The following GTF3C2 variants were observed in gnomAD, a reference collection of about 807,000 sequenced individuals.
GTF3C2 encodes general transcription factor 3C polypeptide 2.
In GTF3C2, 17 loss-of-function variants were observed where a neutral mutation model predicts 117.4. That is an observed-to-expected ratio of 0.14 (90% CI 0.10 to 0.22). GTF3C2 has a LOEUF of 0.22. Among genes scored for constraint, GTF3C2 ranks in the 10% least tolerant of loss-of-function variants. The pLI is 1.00. For missense variants in GTF3C2, 888 were observed against 1,143.6 expected (o/e 0.78, Z 3.22); for synonymous variants, 437 against 427.0 (o/e 1.02, Z -0.29).
exon 3 of GTF3C2, chr2:27,343,122 G>A (rs374628056): frequency 1.3e-6 from 2 of 1,589,644 alleles, no homozygotes; most frequent in Non-Finnish European, 1.7e-6. Context: ...TAGGCTTTGA[G>A]ACCTTTGACA....
At chr2:27,337,337 G>A in exon 7 of GTF3C2, 1 of 1,606,900 alleles carries the variant, frequency 6.2e-7, no homozygotes, top group Non-Finnish European at 8.5e-7. Context: ...GTAGGGAGCG[G>A]CCTCACTGGG....
intron 10 of GTF3C2, among the ~76,000 whole-genome samples, chr2:27,334,503 C>G (rs1054414508): frequency 6.6e-6 from 1 of 152,052 alleles, no homozygotes; most frequent in African/African-American, 2.4e-5. Flanking sequence ...CCACTTGTTC[C>G]CTCCCTAGTC....
intron 1 of GTF3C2, among the ~76,000 whole-genome samples, chr2:27,355,889 T>C (rs557174535): frequency 1.3e-5 from 2 of 152,360 alleles, no homozygotes; most frequent in East Asian, 1.9e-4. Context: ...TAAACAATTA[T>C]AAGTAGCCCA....
At chr2:27,354,754 C>A (rs934780199) in intron 1 of GTF3C2, among the ~76,000 whole-genome samples, 2 of 152,020 alleles carry the variant, frequency 1.3e-5, no homozygotes, top group African/African-American at 4.8e-5. Context: ...GAGGAAGATT[C>A]CGGTTTTTTT....
At chr2:27,348,414 T>C (rs893126136) in intron 1 of GTF3C2, among the ~76,000 whole-genome samples, 5 of 149,438 alleles carry the variant, frequency 3.3e-5, no homozygotes, top group Admixed American at 2.7e-4. Flanking sequence ...CACTCCAGCC[T>C]GGAGTTGAGA....
At chr2:27,344,084 G>A (rs1680836384) in intron 1 of GTF3C2, among the ~76,000 whole-genome samples, 1 of 151,364 alleles carries the variant, frequency 6.6e-6, no homozygotes, top group South Asian at 2.1e-4. Context: ...GAGTGTAATG[G>A]GGCAATCTCA....
At chr2:27,351,344 G>A (rs1460811176) in intron 1 of GTF3C2, among the ~76,000 whole-genome samples, 3 of 152,156 alleles carry the variant, frequency 2.0e-5, no homozygotes, top group Non-Finnish European at 2.9e-5. Context: ...AACCTGGAAG[G>A]TGGAGGCTGC....
chr2:27,333,998 A>G, exon 11 of GTF3C2: 2 of 1,608,808 alleles, frequency 1.2e-6, no homozygotes, highest in South Asian at 2.2e-5. Context: ...GCTTCACTGC[A>G]TCTGTGAGGA....
intron 3 of GTF3C2, 170 bp from the exon 4 acceptor site, chr2:27,342,403 T>C (rs1680768091): frequency 1.6e-6 from 1 of 610,704 alleles, no homozygotes; most frequent in Admixed American, 3.0e-5. Flanking sequence ...GAAATCTAAG[T>C]TATGTGACTT....
chr2:27,328,720 G>A (rs1459175021), intron 15 of GTF3C2, 124 bp from the exon 16 acceptor site: 2 of 1,064,422 alleles, frequency 1.9e-6, no homozygotes, highest in Non-Finnish European at 2.9e-6. Flanking sequence ...CGACAGCCCT[G>A]ATGATAGAGT....
At chr2:27,355,505 A>C (rs1176762339) in intron 1 of GTF3C2, among the ~76,000 whole-genome samples, 1 of 151,346 alleles carries the variant, frequency 6.6e-6, no homozygotes, top group Non-Finnish European at 1.5e-5. Flanking sequence ...GGGCAACAAG[A>C]ACAAAACTCC....
At chr2:27,341,780 C>T (rs373940242) in intron 4 of GTF3C2, 168 bp downstream of exon 4, 1 of 602,946 alleles carries the variant, frequency 1.7e-6, no homozygotes. Flanking sequence ...ACCCCTTCTT[C>T]TGCGCTCTCC....
At position 27,348,267 on chromosome 2, in the gene GTF3C2, A is replaced by AG. The variant is rs201650800; in HGVS notation, c.-24-4690dup. 8.8e-5 allele frequency among the ~76,000 whole-genome samples: 10 copies of AG among 113,302 alleles called. No individual in the cohort carries two copies. The South Asian group carries it at 9.1e-4, about 10-fold the overall frequency. 74.3% of individuals were successfully genotyped at this position (113,302 alleles called of 152,430 possible). ...GGGCGACAGAGCAGGACTCCGTCTGAGGGAAAAAAAAAAAAAAAACTAGCT... is the reference window on the plus strand; with the variant it reads ...GGGCGACAGAGCAGGACTCCGTCTGAGGGGAAAAAAAAAAAAAAAACTAGCT... On this transcript the variant is annotated intron_variant, in intron 1 of 18. Transcript: ENST00000264720.
chr2:27,343,513 G>A lies in GTF3C2; in HGVS notation c.42C>T (p.Ala14=), dbSNP rs780540247. 4.3e-6 allele frequency: 7 copies of A among 1,613,902 alleles called. No homozygotes were observed. In the East Asian group the frequency reaches 6.7e-5, roughly 15 times the overall value. Residue 14 remains alanine (A), a synonymous_variant, in exon 2 of 19, where the codon GCC becomes GCT. Transcript: ENST00000264720. ...CCACAGTCATGTTCCCCACGGGGCCGGCCTCCCCCAGGGCAACATAGCCGA... is the reference window on the plus strand; with the variant it reads ...CCACAGTCATGTTCCCCACGGGGCCAGCCTCCCCCAGGGCAACATAGCCGA...
intron 1 of GTF3C2, among the ~76,000 whole-genome samples, chr2:27,347,075 T>C (rs1680943073): frequency 6.6e-6 from 1 of 152,138 alleles, no homozygotes; most frequent in Admixed American, 6.6e-5. Flanking sequence ...ATTAGTTGTA[T>C]AACCATGGGC....
chr2:27,343,510 G>A (rs924102785), exon 2 of GTF3C2: 1 of 1,613,902 alleles, frequency 6.2e-7, no homozygotes, highest in Non-Finnish European at 8.5e-7. Context: ...TCCCCACGGG[G>A]CCGGCCTCCC....
intron 1 of GTF3C2, among the ~76,000 whole-genome samples, chr2:27,350,066 AACT>A (rs1681074026): frequency 6.6e-6 from 1 of 152,198 alleles, no homozygotes; most frequent in Non-Finnish European, 1.5e-5. Context: ...ACAGAACAAT[AACT>A]TCTTTTAATC....
intron 15 of GTF3C2, 55 bp from the exon 16 acceptor site, chr2:27,328,651 TG>T (rs1680172493): frequency 7.1e-7 from 1 of 1,413,792 alleles, no homozygotes; most frequent in African/African-American, 1.4e-5. Context: ...AGCTATGAAC[TG>T]GTAACAGCTG....
In GTF3C2 at chr2:27,329,808, C is replaced by T. The variant is rs148146275; in HGVS notation, c.1733-285G>A. The stretch of plus-strand genomic sequence containing the variant: ...CACCTAGTGCAGAGAGTAGAATGCA[C>T]CTCTCTCTACTCCCTATAAATAAAC... On this transcript the variant is annotated intron_variant, in intron 12 of 18. Coordinates refer to ENST00000264720, the Ensembl canonical transcript of GTF3C2. This position sits in a 1 kb window ranked among gnomAD's most constrained non-coding sequence, Gnocchi z 4.5. 1.4e-4 allele frequency among the ~76,000 whole-genome samples: 21 copies of T among 152,226 alleles called. No individual in the cohort carries two copies. In the East Asian group the frequency reaches 3.9e-3, roughly 28 times the overall value.
Sources: gnomAD v4.1 joint callset for allele counts (sites outside exome capture counted in the v4.1 genomes callset) on GRCh38, gnomAD v4.1.1 for gene constraint, Gnocchi (gnomAD v3.1) non-coding constraint, MANE v1.5 for transcripts, NCBI Gene and HGNC (gene_info 2026-07-23, HGNC 2026-07-21) for gene names.